Variants in CDKL5 observed in about 807,000 individuals in gnomAD.
CDKL5 encodes the protein cyclin dependent kinase like 5.
A neutral mutation model predicts 61.7 loss-of-function variants in CDKL5; 8 were observed. That is an observed-to-expected ratio of 0.13 (90% CI 0.08 to 0.23). The LOEUF (loss-of-function observed/expected upper bound fraction) is 0.23, where lower values mean the gene tolerates loss of function less well. CDKL5 is among the 10% of genes least tolerant of loss of function. The pLI, the probability that CDKL5 is intolerant of heterozygous loss-of-function variation, is 1.00. For missense variants in CDKL5, 440 were observed against 734.5 expected, an observed-to-expected ratio of 0.60 and a Z score of 4.63; for synonymous variants, 275 against 272.3, an observed-to-expected ratio of 1.01 and a Z score of -0.10.
At chrX:18,605,259 A>G (rs920012661) in intron 12 of CDKL5, among the ~76,000 whole-genome samples, 5 of 111,897 alleles carry the variant, frequency 4.5e-5, no homozygotes, top group Non-Finnish European at 9.4e-5. Flanking sequence ...TCTCCAAACC[A>G]CATTTGCTTA....
chrX:18,533,736 C>G (rs1476155106), intron 3 of CDKL5, among the ~76,000 whole-genome samples: 1 of 111,613 alleles, frequency 9.0e-6, no homozygotes, highest in Non-Finnish European at 1.9e-5. Flanking sequence ...TTCACTAAAG[C>G]TTCAGTACCA....
At chrX:18,578,115 C>G (rs1925359480) in intron 5 of CDKL5, among the ~76,000 whole-genome samples, 1 of 111,811 alleles carries the variant, frequency 8.9e-6, no homozygotes, top group South Asian at 3.7e-4. Context: ...AAAGGAATCT[C>G]AGTGCAGAAT....
intron 1 of CDKL5, among the ~76,000 whole-genome samples, chrX:18,494,737 A>G (rs754040414): frequency 1.8e-4 from 20 of 112,551 alleles, no homozygotes; most frequent in African/African-American, 5.2e-4. Context: ...GGCACATAAC[A>G]TATTTGGTAG....
intron 1 of CDKL5, among the ~76,000 whole-genome samples, chrX:18,489,318 G>T (rs916641705): frequency 9.1e-6 from 1 of 110,131 alleles, no homozygotes; most frequent in Non-Finnish European, 1.9e-5. Flanking sequence ...GCGCCACCAC[G>T]CCCGGCAAGT....
intron 10 of CDKL5, among the ~76,000 whole-genome samples, chrX:18,597,897 C>T (rs1053406573): frequency 9.0e-6 from 1 of 110,758 alleles, no homozygotes; most frequent in Non-Finnish European, 1.9e-5. Context: ...CACCTGGCCC[C>T]GAATTATTTC....
intron 1 of CDKL5, among the ~76,000 whole-genome samples, chrX:18,464,724 C>T (rs1308743544): frequency 2.7e-5 from 3 of 111,332 alleles, no homozygotes; most frequent in Non-Finnish European, 3.8e-5. Flanking sequence ...CAGTAGTGTA[C>T]CTAAGGCTGG....
intron 1 of CDKL5, among the ~76,000 whole-genome samples, chrX:18,444,756 CT>C (rs1931834055): frequency 8.9e-6 from 1 of 112,611 alleles, no homozygotes; most frequent in Admixed American, 9.4e-5. Context: ...TTTAAGTCCT[CT>C]TTGGATTATT....
chrX:18,515,059 G>C (rs1466266159), intron 3 of CDKL5, among the ~76,000 whole-genome samples: 3 of 112,114 alleles, frequency 2.7e-5, no homozygotes, highest in Non-Finnish European at 5.6e-5. Context: ...TCGGCCTCCC[G>C]AAGTGCTGGG....
chrX:18,599,095 C>A (rs1451679595), intron 11 of CDKL5, among the ~76,000 whole-genome samples: 1 of 112,494 alleles, frequency 8.9e-6, no homozygotes, highest in Non-Finnish European at 1.9e-5. Context: ...GTCTTCTAAT[C>A]ATTGAGTTGA....
chrX:18,512,070 A>C (rs1192224445), intron 3 of CDKL5, among the ~76,000 whole-genome samples: 1 of 111,932 alleles, frequency 8.9e-6, no homozygotes, highest in African/African-American at 3.2e-5. Context: ...AATTATTCAG[A>C]GAAGTTATTT....
At chrX:18,643,201 T>C (rs1927647571), downstream of CDKL5, among the ~76,000 whole-genome samples, 1 of 111,858 alleles carries the variant, frequency 8.9e-6, no homozygotes, top group Admixed American at 9.5e-5. Flanking sequence ...AAATCATTCT[T>C]TGCCCTCTTA....
intron 3 of CDKL5, among the ~76,000 whole-genome samples, chrX:18,512,128 A>G (rs994444972): frequency 2.7e-5 from 3 of 112,064 alleles, no homozygotes; most frequent in Non-Finnish European, 5.6e-5. Context: ...TTACTGGGAG[A>G]GTAACTTTCA....
chrX:18,613,271 C>A lies in CDKL5; in HGVS notation c.2272C>A (p.Pro758Thr). ...NHSKRQPAFD[P>T]WKSPENISHS... ...CTCAAAAAGACAACCAGCATTCGAT[C>A]CATGGTGAGCATTTTGGTTTGTTTT... Residue 758 changes from proline (P) to threonine (T), a missense_variant, in exon 15 of 18, where the codon CCA becomes ACA. Physicochemically the swap from Pro to Thr is conservative, Grantham distance 38. This residue lies in a region of CDKL5 where 363 missense variants were observed against 516.3 expected (regional missense o/e 0.70). Coordinates refer to ENST00000623535, the MANE Select transcript of CDKL5 (RefSeq NM_001323289.2). 8.4e-7 allele frequency: 1 copy of A among 1,195,842 alleles called. No homozygotes were observed. The highest frequency in any genetic ancestry group is 1.8e-5 in the South Asian group (1 of 56,475).
chrX:18,566,311 C>G (rs1250818094), intron 4 of CDKL5, among the ~76,000 whole-genome samples: 5 of 111,345 alleles, frequency 4.5e-5, no homozygotes, highest in African/African-American at 1.6e-4. Flanking sequence ...GCCACCATGC[C>G]CAGCTAATTT....
intron 1 of CDKL5, among the ~76,000 whole-genome samples, chrX:18,504,604 C>CT (rs774107573): frequency 9.3e-4 from 104 of 112,043 alleles, no homozygotes; most frequent in African/African-American, 2.9e-3. Context: ...CTTGACAATA[C>CT]TTACCCACAT....
chrX:18,651,163 G>A (rs1928015001), intron 21 of CDKL5, among the ~76,000 whole-genome samples: 1 of 88,343 alleles, frequency 1.1e-5, no homozygotes, highest in Non-Finnish European at 2.2e-5. Context: ...CAGAGAATGA[G>A]GCCAGCTTCA....
intron 4 of CDKL5, among the ~76,000 whole-genome samples, chrX:18,573,069 G>A (rs779794473): frequency 3.6e-5 from 4 of 111,070 alleles, no homozygotes; most frequent in Admixed American, 1.9e-4. Flanking sequence ...CTATGTAGTA[G>A]ACTGAGCATT....
rs762575795 is a variant in CDKL5 at position 18,634,861 on chromosome X, C to T, written c.*6104C>T. ...TAACTATTCAGAGCTTCTTCAATCT[C>T]TAGTAAGCTTGAAGGTGGTGTCTGG... On this transcript the variant is annotated 3_prime_UTR_variant, in exon 18 of 18. Transcript: ENST00000623535. 1.3e-5 allele frequency: 10 copies of T among 745,543 alleles called. No individual in the cohort carries two copies. The highest frequency in any genetic ancestry group is 2.4e-5 in the African/African-American group (1 of 41,847). The allele number at this position is 745,543 out of a possible 1,213,427, so 61.4% of individuals were successfully genotyped here.
intron 1 of CDKL5, among the ~76,000 whole-genome samples, chrX:18,501,641 C>T (rs770477582): frequency 3.6e-5 from 4 of 111,179 alleles, no homozygotes; most frequent in African/African-American, 9.8e-5. Flanking sequence ...CTCTGCCTTC[C>T]GGGTTCAAGC....
Sources: allele counts gnomAD v4.1 joint callset (sites outside exome capture counted in the v4.1 genomes callset), GRCh38; gene constraint gnomAD v4.1.1; regional missense constraint gnomAD v4.1.1; transcripts MANE v1.5; gene names NCBI Gene and HGNC (gene_info 2026-07-23, HGNC 2026-07-21).